Variants in ATP8A2 observed in about 807,000 individuals in gnomAD.
The protein encoded by ATP8A2 is phospholipid-transporting ATPase IB.
A neutral mutation model predicts 165.6 loss-of-function variants in ATP8A2; 100 were observed. The ratio of observed to expected loss-of-function variants is 0.60; its 90% CI spans 0.51 to 0.71. ATP8A2 has a LOEUF of 0.71. Among genes scored for constraint, ATP8A2 ranks in the 30% least tolerant of loss-of-function variants. The pLI is 0.00. For synonymous variants in ATP8A2, 543 were observed against 548.8 expected (o/e 0.99, Z 0.15); for missense variants, 1,227 against 1,479.5 (o/e 0.83, Z 2.80).
intron 25 of ATP8A2, chr13:25,705,108 GAA>G (rs1346746733): frequency 3.7e-5 from 15 of 403,244 alleles, no homozygotes; most frequent in Non-Finnish European, 2.4e-5. Flanking sequence ...ATATGTTCAA[GAA>G]AGAGTTATCT....
At chr13:25,870,532 T>C (rs1295789331) in intron 33 of ATP8A2, among the ~76,000 whole-genome samples, 1 of 152,194 alleles carries the variant, frequency 6.6e-6, no homozygotes, top group Non-Finnish European at 1.5e-5. Flanking sequence ...CATGAAAATA[T>C]GTTTAATATA....
At chr13:25,453,827 G>T (rs1174824044) in intron 1 of ATP8A2, among the ~76,000 whole-genome samples, 16 of 152,222 alleles carry the variant, frequency 1.1e-4, no homozygotes, top group African/African-American at 3.6e-4. Context: ...CTAAGAAATA[G>T]GCAGGTGAGG....
chr13:25,777,777 G>A (rs1272950170), intron 27 of ATP8A2, among the ~76,000 whole-genome samples: 8 of 152,226 alleles, frequency 5.3e-5, no homozygotes, highest in Admixed American at 5.2e-4. Context: ...GTAAGCCTGT[G>A]ATGTAATGCA....
At chr13:25,448,228 A>G (rs2035121399) in intron 1 of ATP8A2, among the ~76,000 whole-genome samples, 1 of 152,238 alleles carries the variant, frequency 6.6e-6, no homozygotes, top group Non-Finnish European at 1.5e-5. Context: ...GCTATTTTGA[A>G]ATATACAATA....
chr13:25,484,520 A>T (rs1431674260), intron 2 of ATP8A2, among the ~76,000 whole-genome samples: 1 of 151,678 alleles, frequency 6.6e-6, no homozygotes, highest in Admixed American at 6.6e-5. Flanking sequence ...TTTATTTTAA[A>T]TTTTTTCTTT....
At chr13:25,611,744 G>T (rs2040693290) in intron 24 of ATP8A2, among the ~76,000 whole-genome samples, 1 of 152,108 alleles carries the variant, frequency 6.6e-6, no homozygotes, top group Non-Finnish European at 1.5e-5. Context: ...ATAGAATTCA[G>T]CTGTGAATAT....
chr13:25,884,302 G>A (rs1953073948), intron 33 of ATP8A2, among the ~76,000 whole-genome samples: 1 of 152,158 alleles, frequency 6.6e-6, no homozygotes, highest in Non-Finnish European at 1.5e-5. Context: ...GGGGATTGGG[G>A]ATGATGGCTG....
intron 24 of ATP8A2, among the ~76,000 whole-genome samples, chr13:25,626,308 A>G (rs2041098345): frequency 6.6e-6 from 1 of 152,142 alleles, no homozygotes; most frequent in Non-Finnish European, 1.5e-5. Flanking sequence ...CATGGTGCTG[A>G]CATCTAATGA....
intron 1 of ATP8A2, among the ~76,000 whole-genome samples, chr13:25,435,922 T>TGTGAGTGA (rs1454203024): frequency 3.7e-5 from 2 of 53,584 alleles, no homozygotes; most frequent in Non-Finnish European, 8.7e-5. Flanking sequence ...CGTGTGTGTG[T>TGTGAGTGA]GTGTGTGTGA....
At chr13:25,894,521 C>CT (rs1171011934) in intron 33 of ATP8A2, among the ~76,000 whole-genome samples, 22 of 152,046 alleles carry the variant, frequency 1.4e-4, no homozygotes, top group South Asian at 4.1e-4. Context: ...AATATGGGCT[C>CT]TTTTTTGGTT....
At chr13:25,725,863 G>A (rs539318259) in intron 25 of ATP8A2, among the ~76,000 whole-genome samples, 1 of 152,280 alleles carries the variant, frequency 6.6e-6, no homozygotes, top group East Asian at 1.9e-4. Context: ...TGCTGTGGCA[G>A]AAACACTCCT....
chr13:26,001,681 G>T (rs939997294), intron 35 of ATP8A2, among the ~76,000 whole-genome samples: 12 of 152,050 alleles, frequency 7.9e-5, no homozygotes, highest in African/African-American at 2.9e-4. Flanking sequence ...TTGAATAAGG[G>T]TCTATTGAAG....
At chr13:25,528,592 C>T (rs2037915014) in intron 2 of ATP8A2, among the ~76,000 whole-genome samples, 1 of 152,190 alleles carries the variant, frequency 6.6e-6, no homozygotes, top group African/African-American at 2.4e-5. Context: ...TGTATTCTGT[C>T]TCCTGAGCCC....
intron 35 of ATP8A2, among the ~76,000 whole-genome samples, chr13:25,993,913 A>T (rs1446892396): frequency 6.6e-6 from 1 of 152,204 alleles, no homozygotes; most frequent in Non-Finnish European, 1.5e-5. Context: ...TTAAATCTGT[A>T]TATCAATTTG....
chr13:26,019,919 A>G lies in ATP8A2; in HGVS notation c.3501A>G (p.Gly1167=). 6.2e-7 allele frequency: 1 copy of G among 1,614,068 alleles called. No individual in the cohort carries two copies. Among genetic ancestry groups the G allele is most frequent in the South Asian group, 1.1e-5 (1 of 91,084 alleles). ...HGYAFSQEEH[G]AVSQEEVIRA... ...ATGCTTTTTCTCAAGAAGAACACGG[A>G]GCTGTTAGTCAGGAAGAAGTCATCC... The change falls in exon 37 of 37, where the codon GGA becomes GGG. Residue 1167 remains glycine (G), a synonymous_variant. Coordinates refer to ENST00000381655, the MANE Select transcript of ATP8A2 (RefSeq NM_016529.6).
In ATP8A2 at chr13:26,000,700, CAAAAA is replaced by C. The variant is rs5802358; in HGVS notation, c.3378-11816_3378-11812del. Among the ~76,000 whole-genome samples, 104 of 110,162 alleles carry C rather than the reference CAAAAA, an allele frequency of 9.4e-4. No individual in the cohort carries two copies. The East Asian group carries it at 0.018, about 19-fold the overall frequency. The allele number at this position is 110,162 out of a possible 152,430, so 72.3% of individuals were successfully genotyped here. ...ATACCTGCTTCTGCCAGTACAGAGCCAAAAAAAAAAAAAAAAAAATTAAGTACTTT... is the reference window on the plus strand; with the variant it reads ...ATACCTGCTTCTGCCAGTACAGAGCCAAAAAAAAAAAAAATTAAGTACTTT... On this transcript the variant is annotated intron_variant, in intron 35 of 36. Coordinates refer to ENST00000381655, the MANE Select transcript of ATP8A2 (RefSeq NM_016529.6).
intron 6 of ATP8A2, among the ~76,000 whole-genome samples, chr13:25,536,784 A>G (rs1334033171): frequency 6.6e-6 from 1 of 152,162 alleles, no homozygotes; most frequent in African/African-American, 2.4e-5. Flanking sequence ...AATGTCCTTG[A>G]CCTTCACACT....
chr13:25,927,880 A>T, intron 33 of ATP8A2, among the ~76,000 whole-genome samples: 1 of 152,232 alleles, frequency 6.6e-6, no homozygotes, highest in East Asian at 1.9e-4. Context: ...TGTTGATACC[A>T]TTTATCTTCT....
At chr13:25,436,696 G>C (rs747969410) in intron 1 of ATP8A2, among the ~76,000 whole-genome samples, 4 of 152,102 alleles carry the variant, frequency 2.6e-5, no homozygotes, top group Non-Finnish European at 5.9e-5. Flanking sequence ...GCTTTCCATA[G>C]TGGCTGAACT....
Sources: allele counts gnomAD v4.1 joint callset (sites outside exome capture counted in the v4.1 genomes callset), GRCh38; gene constraint gnomAD v4.1.1; transcripts MANE v1.5; gene names NCBI Gene and HGNC (gene_info 2026-07-23, HGNC 2026-07-21).